Variants in CREB5 observed in about 807,000 individuals in gnomAD.
CREB5 encodes cyclic AMP-responsive element-binding protein 5.
Under a neutral mutation model 57.1 loss-of-function variants are expected in CREB5, and 19 were observed. The observed-to-expected ratio is 0.33, with a 90% CI of 0.23 to 0.49. CREB5 has a LOEUF of 0.49. Ranked by LOEUF, CREB5 falls within the 20% of genes least tolerant of loss-of-function variation. The pLI is 0.99. For missense variants in CREB5, 579 were observed against 671.6 expected, an observed-to-expected ratio of 0.86 and a Z score of 1.52; for synonymous variants, 238 against 238.3, an observed-to-expected ratio of 1.00 and a Z score of 0.01.
intron 7 of CREB5, among the ~76,000 whole-genome samples, chr7:28,745,124 C>T (rs553474323): frequency 6.6e-6 from 1 of 152,202 alleles, no homozygotes; most frequent in African/African-American, 2.4e-5. Flanking sequence ...ATCTCTCTTG[C>T]TCCACGCTGG....
chr7:28,702,317 A>C (rs989473394), intron 5 of CREB5, among the ~76,000 whole-genome samples: 2 of 152,244 alleles, frequency 1.3e-5, no homozygotes, highest in African/African-American at 4.8e-5. Context: ...TCGTAAGAAC[A>C]CTTGAATGTT....
intron 4 of CREB5, among the ~76,000 whole-genome samples, chr7:28,566,745 T>C (rs1167637438): frequency 1.3e-5 from 2 of 152,242 alleles, no homozygotes; most frequent in Non-Finnish European, 2.9e-5. Context: ...GTTTTGAAAT[T>C]ACTCTCTGGG....
chr7:28,686,694 A>AG lies in CREB5; in HGVS notation c.465-32054dup, dbSNP rs1189690722. On this transcript the variant is annotated intron_variant, in intron 5 of 10. Transcript: ENST00000357727. ...AGGGTAGTTAAGTAATGTGAGAGCG[A>AG]GGGGGTCAGGGTTGCAAAGCATTTA... 3.3e-5 allele frequency among the ~76,000 whole-genome samples: 5 copies of AG among 152,128 alleles called. No homozygotes were observed. In the East Asian group the frequency reaches 9.6e-4, roughly 29 times the overall value.
At chr7:28,333,722 G>A (rs559952370) in intron 1 of CREB5, among the ~76,000 whole-genome samples, 6 of 152,092 alleles carry the variant, frequency 3.9e-5, no homozygotes, top group Non-Finnish European at 8.8e-5. Context: ...CAAATGGTAG[G>A]ATCTCATTCT....
intron 1 of CREB5, among the ~76,000 whole-genome samples, chr7:28,451,763 T>G (rs1450511160): frequency 6.6e-6 from 1 of 152,096 alleles, no homozygotes; most frequent in Non-Finnish European, 1.5e-5. Context: ...GTTGCTAAAT[T>G]GATCTCTCCA....
intron 1 of CREB5, among the ~76,000 whole-genome samples, chr7:28,306,555 G>GTTTT (rs869277871): frequency 1.2e-3 from 70 of 58,058 alleles, no homozygotes; most frequent in African/African-American, 3.4e-3. Flanking sequence ...TGTTTTTTTT[G>GTTTT]TTTTTTTTTT....
chr7:28,819,011 G>C, intron 10 of CREB5, 105 bp from the exon 11 acceptor site: 1 of 1,281,954 alleles, frequency 7.8e-7, no homozygotes. Flanking sequence ...TCTATTTCAA[G>C]TAAATATCTA....
chr7:28,397,869 A>G (rs1177120951), intron 1 of CREB5, among the ~76,000 whole-genome samples: 3 of 152,176 alleles, frequency 2.0e-5, no homozygotes, highest in African/African-American at 7.2e-5. Flanking sequence ...AGGGAGGTGT[A>G]TTAACTTTTG....
chr7:28,791,313 A>T (rs1807698398), intron 7 of CREB5, among the ~76,000 whole-genome samples: 1 of 152,182 alleles, frequency 6.6e-6, no homozygotes, highest in African/African-American at 2.4e-5. Flanking sequence ...GCTAGAGCTG[A>T]CTTGCTTTCT....
Position 28,751,605 on chromosome 7 carries a change from T to C in CREB5, c.702+27273T>C, listed in dbSNP as rs73306995. Reference sequence around the variant, plus strand: ...ACTTACTAATGTTGTCATTGTTTTATTTTTTATCTTGAAACAATTTTAAAC... The same window carrying C: ...ACTTACTAATGTTGTCATTGTTTTACTTTTTATCTTGAAACAATTTTAAAC... On this transcript the variant is annotated intron_variant, in intron 7 of 10. Coordinates refer to ENST00000357727, the MANE Select transcript of CREB5 (RefSeq NM_182898.4). Among the ~76,000 whole-genome samples the C allele has an allele frequency of 9.9e-3, 1,513 of 152,306 alleles. 24 individuals carry two copies. Among genetic ancestry groups the C allele is most frequent in the African/African-American group, 0.034 (1,423 of 41,570 alleles).
chr7:28,391,673 C>G (rs1213764821), intron 1 of CREB5, among the ~76,000 whole-genome samples: 3 of 152,226 alleles, frequency 2.0e-5, no homozygotes, highest in Non-Finnish European at 4.4e-5. Context: ...TCAACCCAAT[C>G]TAAGTATTCC....
intron 4 of CREB5, among the ~76,000 whole-genome samples, chr7:28,508,561 T>G (rs1427817736): frequency 6.6e-6 from 1 of 152,216 alleles, no homozygotes; most frequent in Non-Finnish European, 1.5e-5. Context: ...AAAAGAAATT[T>G]TAAAAGGTTC....
chr7:28,300,381 C>A (rs180721504), intron 1 of CREB5, among the ~76,000 whole-genome samples: 6 of 152,276 alleles, frequency 3.9e-5, no homozygotes, highest in African/African-American at 1.4e-4. Flanking sequence ...ATGAAAATTT[C>A]AGGCAATTTT....
chr7:28,788,894 T>C (rs536979589), intron 7 of CREB5, among the ~76,000 whole-genome samples: 14 of 151,948 alleles, frequency 9.2e-5, no homozygotes, highest in Non-Finnish European at 1.8e-4. Flanking sequence ...GCCCACGCTG[T>C]ACATCACCCA....
intron 1 of CREB5, among the ~76,000 whole-genome samples, chr7:28,430,730 C>T (rs1788678277): frequency 6.6e-6 from 1 of 152,184 alleles, no homozygotes; most frequent in Admixed American, 6.5e-5. Context: ...ACAATTGGAT[C>T]AGTTAGCTAT....
At chr7:28,518,461 T>C (rs1793068660) in intron 4 of CREB5, among the ~76,000 whole-genome samples, 1 of 152,172 alleles carries the variant, frequency 6.6e-6, no homozygotes, top group Non-Finnish European at 1.5e-5. Flanking sequence ...TGCACAGAGC[T>C]TAGGAACTTT....
chr7:28,435,590 A>G (rs1382951892), intron 1 of CREB5: 1 of 975,386 alleles, frequency 1.0e-6, no homozygotes, highest in Non-Finnish European at 1.2e-6. Flanking sequence ...CATTTCAAAC[A>G]TTTATTTTCT....
intron 4 of CREB5, among the ~76,000 whole-genome samples, chr7:28,558,550 T>C (rs1794961321): frequency 6.6e-6 from 1 of 152,200 alleles, no homozygotes. Flanking sequence ...ATGTTGAGAG[T>C]ATAATTTGCC....
In CREB5 at chr7:28,658,596, C is replaced by A. The variant is rs114887339; in HGVS notation, c.465-60157C>A. Among the ~76,000 whole-genome samples the A allele has an allele frequency of 3.8e-3, 572 of 152,284 alleles. 3 individuals are homozygous for A. Among genetic ancestry groups the A allele is most frequent in the African/African-American group, 0.013 (544 of 41,560 alleles). ...ACGTCTGCACTCATGCACACAGAAA[C>A]GTGAGAGACACCATCAAATAGACAG... On this transcript the variant is annotated intron_variant, in intron 5 of 10. Coordinates refer to ENST00000357727, the MANE Select transcript of CREB5 (RefSeq NM_182898.4).
Sources: allele counts gnomAD v4.1 joint callset (sites outside exome capture counted in the v4.1 genomes callset), GRCh38; gene constraint gnomAD v4.1.1; transcripts MANE v1.5; gene names NCBI Gene and HGNC (gene_info 2026-07-23, HGNC 2026-07-21).